SPOCK3: variants seen among roughly 807,000 people sequenced by gnomAD.
The protein encoded by SPOCK3 is testican-3.
SPOCK3 carries 30 observed loss-of-function variants against 56.6 expected under a neutral mutation model. That is an observed-to-expected ratio of 0.53 (90% confidence interval 0.40 to 0.72). SPOCK3 has a LOEUF of 0.72. Among genes scored for constraint, SPOCK3 ranks in the 30% least tolerant of loss-of-function variants. SPOCK3 has a pLI of 0.00. For missense variants in SPOCK3, 527 were observed against 530.0 expected (o/e 0.99, Z 0.06); for synonymous variants, 196 against 183.3 (o/e 1.07, Z -0.56).
At chr4:167,062,048 CTTG>C (rs1755663499) in intron 3 of SPOCK3, among the ~76,000 whole-genome samples, 1 of 151,710 alleles carries the variant, frequency 6.6e-6, no homozygotes, top group African/African-American at 2.4e-5. Flanking sequence ...CCTTTTGGGG[CTTG>C]TTAAGACCCC....
intron 6 of SPOCK3, among the ~76,000 whole-genome samples, chr4:166,867,877 T>G (rs1354684063): frequency 6.6e-6 from 1 of 151,836 alleles, no homozygotes; most frequent in African/African-American, 2.4e-5. Flanking sequence ...AACATATATA[T>G]GTTCCAGAAA....
intron 2 of SPOCK3, among the ~76,000 whole-genome samples, chr4:167,125,468 C>T (rs982130676): frequency 1.1e-4 from 17 of 149,558 alleles, no homozygotes; most frequent in Non-Finnish European, 2.2e-4. Flanking sequence ...AATCCCAGCA[C>T]TTTGGGAGGC....
At chr4:166,987,732 TAATA>T (rs1188013288) in intron 4 of SPOCK3, among the ~76,000 whole-genome samples, 1 of 152,208 alleles carries the variant, frequency 6.6e-6, no homozygotes, top group Admixed American at 6.5e-5. Flanking sequence ...CATTGCAAAT[TAATA>T]AATAAAGTAA....
At chr4:166,955,579 A>T (rs1009817005) in intron 4 of SPOCK3, among the ~76,000 whole-genome samples, 193 of 145,024 alleles carry the variant, frequency 1.3e-3, no homozygotes, top group African/African-American at 4.0e-3. Flanking sequence ...TAATATAATT[A>T]AATTATATTA....
chr4:167,227,010 T>C (rs1409015258), intron 2 of SPOCK3, among the ~76,000 whole-genome samples: 3 of 152,200 alleles, frequency 2.0e-5, no homozygotes, highest in African/African-American at 7.2e-5. Context: ...GATTTACCTA[T>C]ATAACCATTA....
chr4:166,993,372 T>C (rs1327268853), intron 4 of SPOCK3, among the ~76,000 whole-genome samples: 4 of 152,176 alleles, frequency 2.6e-5, no homozygotes, highest in African/African-American at 9.7e-5. Flanking sequence ...GATCGTCTTC[T>C]CTGGTCATGG....
chr4:166,945,209 T>C (rs1741579655), intron 4 of SPOCK3, among the ~76,000 whole-genome samples: 1 of 152,154 alleles, frequency 6.6e-6, no homozygotes. Context: ...ATGAACCAGG[T>C]ATACTCATTA....
In SPOCK3 at chr4:166,979,701, C is replaced by T. The variant is rs115446879; in HGVS notation, c.350+20648G>A. Among the ~76,000 whole-genome samples the T allele has an allele frequency of 7.8e-3, 1,189 of 152,254 alleles. 13 individuals are homozygous for T. Among genetic ancestry groups the T allele is most frequent in the African/African-American group, 0.027 (1,120 of 41,562 alleles). ...GTAGACTCTTCCTCAATGCCTAACT[C>T]TAAAGAGTTTGAATTTCCCAGGGAT... On this transcript the variant is annotated intron_variant, in intron 4 of 10. Transcript: ENST00000357545.
intron 2 of SPOCK3, among the ~76,000 whole-genome samples, chr4:167,097,392 A>G (rs1759252746): frequency 6.6e-6 from 1 of 150,714 alleles, no homozygotes; most frequent in Admixed American, 6.6e-5. Context: ...TCTTTTCTTG[A>G]CATTAGGCTT....
intron 4 of SPOCK3, among the ~76,000 whole-genome samples, chr4:166,930,892 T>C (rs1739665937): frequency 1.3e-5 from 2 of 152,198 alleles, no homozygotes; most frequent in African/African-American, 4.8e-5. Flanking sequence ...ATGTGTCAAT[T>C]TGTCATTTGC....
chr4:167,119,731 A>T, intron 2 of SPOCK3: 5 of 1,143,058 alleles, frequency 4.4e-6, no homozygotes, highest in Non-Finnish European at 6.3e-6. Flanking sequence ...TTATGTCTAT[A>T]ACATAATGGG....
At chr4:167,105,999 G>A (rs181119440) in intron 2 of SPOCK3, among the ~76,000 whole-genome samples, 66 of 151,980 alleles carry the variant, frequency 4.3e-4, no homozygotes, top group South Asian at 1.2e-3. Flanking sequence ...AATATTATTA[G>A]ATTAAAGAGA....
chr4:167,205,952 T>G (rs1734287032), intron 2 of SPOCK3, among the ~76,000 whole-genome samples: 1 of 152,056 alleles, frequency 6.6e-6, no homozygotes, highest in Non-Finnish European at 1.5e-5. Context: ...GTTTTTATTT[T>G]GAGTTTAAAT....
At chr4:166,968,018 G>T (rs1744937304) in intron 4 of SPOCK3, among the ~76,000 whole-genome samples, 1 of 152,218 alleles carries the variant, frequency 6.6e-6, no homozygotes, top group African/African-American at 2.4e-5. Flanking sequence ...ACTGATGGCA[G>T]TGTGTCCCTC....
At chr4:166,941,339 T>C (rs1741045495) in intron 4 of SPOCK3, among the ~76,000 whole-genome samples, 2 of 152,220 alleles carry the variant, frequency 1.3e-5, no homozygotes, top group African/African-American at 2.4e-5. Context: ...AAGAAAGACA[T>C]CTTGGTTATT....
chr4:166,789,377 C>G (rs560122995), intron 7 of SPOCK3, among the ~76,000 whole-genome samples: 1 of 151,828 alleles, frequency 6.6e-6, no homozygotes, highest in East Asian at 1.9e-4. Flanking sequence ...TGCAATGAGC[C>G]GAGATCACGC....
At chr4:167,158,212 G>GT (rs777439789) in intron 2 of SPOCK3, among the ~76,000 whole-genome samples, 4 of 151,808 alleles carry the variant, frequency 2.6e-5, no homozygotes, top group Non-Finnish European at 5.9e-5. Flanking sequence ...TAAATGAGAT[G>GT]TTTTTTAAAA....
In SPOCK3 at chr4:166,734,221, A is replaced by T. The variant is rs1176894648; in HGVS notation, c.*700T>A. ...CATGTTATTAAAGAATCTTTTAAAAAATCTGCATGAGACTGCCATCCAAAT... is the reference window on the plus strand; with the variant it reads ...CATGTTATTAAAGAATCTTTTAAAATATCTGCATGAGACTGCCATCCAAAT... On this transcript the variant is annotated 3_prime_UTR_variant, in exon 11 of 11. Transcript: ENST00000357545. The T allele has an allele frequency of 6.6e-6, 1 of 151,888 alleles. No homozygotes were observed. Among genetic ancestry groups the T allele is most frequent in the Non-Finnish European group, 1.5e-5 (1 of 67,838 alleles). The allele number at this position is 151,888 out of a possible 1,614,324, so 9.4% of individuals were successfully genotyped here.
intron 6 of SPOCK3, among the ~76,000 whole-genome samples, chr4:166,870,829 G>A (rs1423275262): frequency 3.3e-5 from 5 of 152,010 alleles, no homozygotes; most frequent in Non-Finnish European, 5.9e-5. Context: ...CCCACATGTC[G>A]AGGGAGGGAT....
Sources: allele counts gnomAD v4.1 joint callset (sites outside exome capture counted in the v4.1 genomes callset), GRCh38; gene constraint gnomAD v4.1.1; transcripts MANE v1.5; gene names NCBI Gene and HGNC (gene_info 2026-07-23, HGNC 2026-07-21).